Variants in TDRD15 observed in about 807,000 individuals in gnomAD.
TDRD15 encodes the protein tudor domain-containing protein 15.
For missense variants in TDRD15, 1,416 were observed against 904.7 expected, an observed-to-expected ratio of 1.57 and a Z score of -7.25; for synonymous variants, 503 against 314.5, an observed-to-expected ratio of 1.60 and a Z score of -6.34.
In TDRD15 at chr2:21,140,523, T is replaced by C. The variant is rs138045997; in HGVS notation, c.3056T>C (p.Ile1019Thr). The C allele has an allele frequency of 1.2e-3, 861 of 696,164 alleles. 7 individuals carry two copies. In the African/African-American group the frequency reaches 0.014, roughly 11 times the overall value. The allele number at this position is 696,164 out of a possible 1,614,324, so 43.1% of individuals were successfully genotyped here. A position where few individuals can be genotyped will look rare whatever the true frequency, so the allele number is the denominator to read the frequency against. The stretch of plus-strand genomic sequence containing the variant: ...GATTCTAATAAAATGAGAGTGTGCA[T>C]ATCTAAGTATGTAGAGGATGGTCTC... The part of the protein sequence containing the change: ...KYDSNKMRVC[I>T]SKYVEDGLSY... Residue 1019 changes from isoleucine (I) to threonine (T), a missense_variant, in exon 4 of 4, where the codon ATA becomes ACA. By Grantham distance (89) the Ile-to-Thr change is moderately conservative (BLOSUM62 -1). Transcript: ENST00000405799.
chr2:21,139,824 T>C lies in TDRD15; in HGVS notation c.2357T>C (p.Met786Thr), dbSNP rs1266631288. The C allele has an allele frequency of 2.8e-6, 2 of 715,414 alleles. No individual in the cohort carries two copies. Among genetic ancestry groups the C allele is most frequent in the African/African-American group, 1.8e-5 (1 of 57,136 alleles). 44.3% of individuals were successfully genotyped at this position (715,414 alleles called of 1,614,324 possible). ...QCKSEDLKLL[M>T]EQIQNYYSIH... The stretch of plus-strand genomic sequence containing the variant: ...AAGTCAGAAGACCTAAAATTACTAA[T>C]GGAGCAAATTCAGAATTACTATAGT... The change falls in exon 4 of 4, where the codon ATG (methionine) becomes ACG (threonine). Residue 786 changes from methionine to threonine, a missense_variant. Physicochemically the swap from Met to Thr is moderately conservative, Grantham distance 81. Transcript: ENST00000405799.
intron 1 of TDRD15, among the ~76,000 whole-genome samples, chr2:21,126,649 CT>C (rs1665604615): frequency 6.6e-6 from 1 of 152,110 alleles, no homozygotes; most frequent in African/African-American, 2.4e-5. Context: ...TACAGCATTC[CT>C]TTTTATTGTT....
intron 1 of TDRD15, among the ~76,000 whole-genome samples, chr2:21,126,124 T>C (rs937170003): frequency 9.9e-5 from 15 of 152,198 alleles, no homozygotes; most frequent in Admixed American, 7.2e-4. Context: ...ATGTATACTC[T>C]ATGAAACCAC....
intron 2 of TDRD15, among the ~76,000 whole-genome samples, chr2:21,129,180 A>C (rs1001064053): frequency 2.0e-5 from 3 of 152,104 alleles, no homozygotes; most frequent in Non-Finnish European, 4.4e-5. Flanking sequence ...AGTTGTTAGG[A>C]ATAATGCTAC....
chr2:21,124,340 A>G (rs1447333833), intron 1 of TDRD15, among the ~76,000 whole-genome samples: 1 of 152,178 alleles, frequency 6.6e-6, no homozygotes, highest in African/African-American at 2.4e-5. Context: ...TCCTAATGCC[A>G]GGCTGTGTGT....
Position 21,138,824 on chromosome 2 carries a change from A to G in TDRD15, c.1357A>G (p.Asn453Asp), listed in dbSNP as rs1665863811. ...CTTTGCAGTTGAGAGTTTTATGGGA[A>G]ATATTGAATGGTCAATAGACTCTCT... is the stretch of plus-strand genomic sequence containing the variant. The part of the protein sequence containing the change: ...NSFAVESFMG[N>D]IEWSIDSLNK... The change falls in exon 4 of 4, where the codon AAT becomes GAT. Residue 453 changes from asparagine (N) to aspartate (D), a missense_variant. Transcript: ENST00000405799. The G allele has an allele frequency of 1.4e-6, 1 of 713,396 alleles. No homozygotes were observed. Among genetic ancestry groups the G allele is most frequent in the African/African-American group, 1.8e-5 (1 of 56,946 alleles). 44.2% of individuals were successfully genotyped at this position (713,396 alleles called of 1,614,324 possible). A position where few individuals can be genotyped will look rare whatever the true frequency, so the allele number is the denominator to read the frequency against.
intron 2 of TDRD15, among the ~76,000 whole-genome samples, chr2:21,129,312 T>C (rs932081147): frequency 1.4e-4 from 22 of 152,222 alleles, no homozygotes; most frequent in African/African-American, 5.1e-4. Flanking sequence ...AAAATGGCTG[T>C]ACCGTTTTAC....
intron 1 of TDRD15, among the ~76,000 whole-genome samples, chr2:21,126,440 C>T (rs1051135637): frequency 6.6e-6 from 1 of 151,768 alleles, no homozygotes; most frequent in Non-Finnish European, 1.5e-5. Flanking sequence ...GACCTCGTCT[C>T]GCCGCAATCT....
Position 21,140,262 on chromosome 2 carries a change from A to G in TDRD15, c.2795A>G (p.Asn932Ser). Residue 932 changes from asparagine to serine, a missense_variant, in exon 4 of 4, where the codon AAT (asparagine) becomes AGT (serine). By Grantham distance (46) the Asn-to-Ser change is conservative (BLOSUM62 1). Coordinates refer to ENST00000405799, the MANE Select transcript of TDRD15 (RefSeq NM_001306137.2). ...SFTSAKEFLMNRGSAQYITLS... is the reference protein window; with the variant it reads ...SFTSAKEFLMSRGSAQYITLS... ...ACTAGTGCAAAAGAATTTCTTATGA[A>G]TCGTGGCTCTGCTCAGTATATCACA... The G allele has an allele frequency of 1.4e-6, 1 of 715,482 alleles. No homozygotes were observed. Among genetic ancestry groups the G allele is most frequent in the South Asian group, 1.5e-5 (1 of 67,542 alleles). 44.3% of individuals were successfully genotyped at this position (715,482 alleles called of 1,614,324 possible).
chr2:21,136,154 G>T (rs953511581), intron 3 of TDRD15, among the ~76,000 whole-genome samples: 1 of 151,932 alleles, frequency 6.6e-6, no homozygotes, highest in African/African-American at 2.4e-5. Flanking sequence ...GTACCTGGTT[G>T]TTTCTTCATG....
chr2:21,133,183 A>G lies in TDRD15; in HGVS notation c.-89-1579A>G, dbSNP rs549373521. Among the ~76,000 whole-genome samples the G allele has an allele frequency of 1.6e-3, 241 of 152,306 alleles. 1 individual carries two copies. The highest frequency in any genetic ancestry group is 4.8e-3 in the African/African-American group (201 of 41,568). ...CATTAACAAGGTGAATCTAGAGACTATTCTGAATATGTGGAAAAGATGGGA... is the reference window on the plus strand; with the variant it reads ...CATTAACAAGGTGAATCTAGAGACTGTTCTGAATATGTGGAAAAGATGGGA... On this transcript the variant is annotated intron_variant, in intron 2 of 3. Coordinates refer to ENST00000405799, the MANE Select transcript of TDRD15 (RefSeq NM_001306137.2).
intron 2 of TDRD15, among the ~76,000 whole-genome samples, chr2:21,132,964 A>G (rs73920469): frequency 0.069 from 10,463 of 152,090 alleles, 1,186 homozygotes; most frequent in African/African-American, 0.24. Flanking sequence ...TACCCACTAG[A>G]TATTGGTAGC....
chr2:21,136,571 C>T (rs1032911395), intron 3 of TDRD15, among the ~76,000 whole-genome samples: 1 of 152,008 alleles, frequency 6.6e-6, no homozygotes, highest in Non-Finnish European at 1.5e-5. Flanking sequence ...TTCTCTTACT[C>T]ATCCTCATAG....
chr2:21,127,388 G>A (rs114545824), intron 1 of TDRD15, among the ~76,000 whole-genome samples: 1,873 of 152,150 alleles, frequency 0.012, 38 homozygotes, highest in African/African-American at 0.042. Flanking sequence ...TCTTTGCCAC[G>A]TCAAGGTACC....
intron 2 of TDRD15, among the ~76,000 whole-genome samples, chr2:21,129,832 A>G (rs1015432678): frequency 7.9e-5 from 12 of 152,242 alleles, no homozygotes; most frequent in African/African-American, 1.2e-4. Context: ...ACTGGGTAAT[A>G]TATAAAGAAA....
chr2:21,138,952 A>G lies in TDRD15; in HGVS notation c.1485A>G (p.Ser495=). The change falls in exon 4 of 4, where the codon TCA becomes TCG. Residue 495 remains serine, a synonymous_variant. Coordinates refer to ENST00000405799, the MANE Select transcript of TDRD15 (RefSeq NM_001306137.2). ...TTATAGCATATGTATTAAACCCATC[A>G]AATTTCTGGGTACGCACTAATGACC... ...IAFIAYVLNP[S]NFWVRTNDHR... 1 of 713,756 alleles carries G rather than the reference A, an allele frequency of 1.4e-6. No individual in the cohort carries two copies. The highest frequency in any genetic ancestry group is 2.6e-6 in the Non-Finnish European group (1 of 383,540). The allele number at this position is 713,756 out of a possible 1,614,324, so 44.2% of individuals were successfully genotyped here.
chr2:21,131,226 G>C (rs77965176), intron 2 of TDRD15, among the ~76,000 whole-genome samples: 5 of 152,162 alleles, frequency 3.3e-5, no homozygotes, highest in Non-Finnish European at 5.9e-5. Flanking sequence ...GAGATTGCTG[G>C]TGATACCAAT....
chr2:21,136,811 G>C (rs1665816139), intron 3 of TDRD15, among the ~76,000 whole-genome samples: 1 of 152,040 alleles, frequency 6.6e-6, no homozygotes, highest in African/African-American at 2.4e-5. Flanking sequence ...TCATGCCAGT[G>C]ATAAGGTCTG....
intron 1 of TDRD15, among the ~76,000 whole-genome samples, 173 bp downstream of exon 1, chr2:21,124,219 T>C (rs984735826): frequency 3.9e-5 from 6 of 152,156 alleles, no homozygotes; most frequent in African/African-American, 1.4e-4. Context: ...CTACCTCTAA[T>C]GGCGGCGGCG....
Sources: allele counts gnomAD v4.1 joint callset (sites outside exome capture counted in the v4.1 genomes callset), GRCh38; gene constraint gnomAD v4.1.1; transcripts MANE v1.5; gene names NCBI Gene and HGNC (gene_info 2026-07-23, HGNC 2026-07-21).